Variants in PTPRN2 observed in about 807,000 individuals in gnomAD.
PTPRN2 encodes receptor-type tyrosine-protein phosphatase N2.
PTPRN2 carries 74 observed loss-of-function variants against 118.8 expected under a neutral mutation model. The ratio of observed to expected loss-of-function variants is 0.62; its 90% CI spans 0.52 to 0.76. The LOEUF is 0.76. PTPRN2 is among the 30% of genes least tolerant of loss of function. PTPRN2 has a pLI of 0.00. For synonymous variants in PTPRN2, 641 were observed against 608.0 expected (o/e 1.05, Z -0.80); for missense variants, 1,481 against 1,394.4 (o/e 1.06, Z -0.99).
At chr7:157,704,306 C>T (rs1798220430) in intron 12 of PTPRN2, among the ~76,000 whole-genome samples, 1 of 152,188 alleles carries the variant, frequency 6.6e-6, no homozygotes, top group African/African-American at 2.4e-5. Flanking sequence ...GGCATCCACA[C>T]CCTCAGGGGC....
At chr7:158,548,576 G>GA (rs1826442810) in intron 1 of PTPRN2, among the ~76,000 whole-genome samples, 1 of 152,204 alleles carries the variant, frequency 6.6e-6, no homozygotes, top group South Asian at 2.1e-4. Context: ...ATTTCTTCAT[G>GA]ACTTTCTCTT....
rs1208484109 is a variant in PTPRN2, at chr7:158,525,774, G to A, written c.113-35989C>T. 1.3e-5 allele frequency among the ~76,000 whole-genome samples: 2 copies of A among 152,068 alleles called. No individual in the cohort carries two copies. Among genetic ancestry groups the A allele is most frequent in the Non-Finnish European group, 2.9e-5 (2 of 68,014 alleles). The stretch of plus-strand genomic sequence containing the variant: ...GACATCTCTGCTGGTCTCTCTCCAC[G>A]GCACCTGCTCCACAGCCACCTCTCT... On this transcript the variant is annotated intron_variant, in intron 1 of 22. Transcript: ENST00000389418. The surrounding 1 kb of genome is among the most constrained non-coding windows in gnomAD (Gnocchi z 4.1).
Position 158,565,588 on chromosome 7 carries a change from C to T in PTPRN2, c.112+21970G>A, listed in dbSNP as rs1230296626. ...CCCGTCTGGGATCTGCAGGCTTCAACAACTGTCAAAGCACGGGAAAATCCC... is the reference window on the plus strand; with the variant it reads ...CCCGTCTGGGATCTGCAGGCTTCAATAACTGTCAAAGCACGGGAAAATCCC... On this transcript the variant is annotated intron_variant, in intron 1 of 22. Coordinates refer to ENST00000389418, the MANE Select transcript of PTPRN2 (RefSeq NM_002847.5). This position sits in a 1 kb window ranked among gnomAD's most constrained non-coding sequence, Gnocchi z 4.6. Among the ~76,000 whole-genome samples the T allele has an allele frequency of 6.6e-6, 1 of 152,216 alleles. No homozygotes were observed. The highest frequency in any genetic ancestry group is 1.9e-4 in the East Asian group (1 of 5,202).
chr7:158,076,214 CTT>C (rs755959616), intron 11 of PTPRN2, among the ~76,000 whole-genome samples: 9 of 152,244 alleles, frequency 5.9e-5, no homozygotes, highest in Non-Finnish European at 1.0e-4. Context: ...AGGAGTTCCT[CTT>C]GTCTTGCTCC....
intron 1 of PTPRN2, among the ~76,000 whole-genome samples, chr7:158,527,612 C>T (rs374605945): frequency 6.6e-6 from 1 of 152,226 alleles, no homozygotes; most frequent in East Asian, 1.9e-4. Flanking sequence ...TCCTTCCTAA[C>T]ACCTGGCGGC....
chr7:157,561,977 G>T (rs1280882369), intron 21 of PTPRN2, among the ~76,000 whole-genome samples: 1 of 152,224 alleles, frequency 6.6e-6, no homozygotes, highest in Non-Finnish European at 1.5e-5. Context: ...CCTGGCATCT[G>T]CCAGAGAAGG....
chr7:158,234,584 A>G (rs1829407365), intron 3 of PTPRN2, among the ~76,000 whole-genome samples: 1 of 134,220 alleles, frequency 7.5e-6, no homozygotes, highest in Admixed American at 7.5e-5. Context: ...AATGGCCAAC[A>G]GGTATAGTCA....
chr7:158,384,769 C>CATGCA (rs1286522428), intron 2 of PTPRN2, among the ~76,000 whole-genome samples: 2 of 152,198 alleles, frequency 1.3e-5, no homozygotes, highest in Non-Finnish European at 2.9e-5. Flanking sequence ...GACCCTTAAA[C>CATGCA]ATGCACTCTT....
At chr7:158,336,602 C>A (rs1563165081) in intron 2 of PTPRN2, among the ~76,000 whole-genome samples, 1 of 147,966 alleles carries the variant, frequency 6.8e-6, no homozygotes, top group African/African-American at 2.5e-5. Flanking sequence ...TTCACACCCA[C>A]ACTCTCACCA....
chr7:157,563,724 G>C (rs1347710895), intron 21 of PTPRN2, among the ~76,000 whole-genome samples: 1 of 140,744 alleles, frequency 7.1e-6, no homozygotes, highest in Non-Finnish European at 1.5e-5. Context: ...ACACACCACA[G>C]ATCAGGACCA....
chr7:158,205,117 T>C (rs1003980820), intron 4 of PTPRN2, 54 bp downstream of exon 4: 30 of 1,358,546 alleles, frequency 2.2e-5, no homozygotes, highest in Non-Finnish European at 3.1e-5. Context: ...ATAAGTGTAA[T>C]GGCTATGGAC....
chr7:158,106,971 G>C (rs1046682784), intron 10 of PTPRN2, among the ~76,000 whole-genome samples: 1 of 152,136 alleles, frequency 6.6e-6, no homozygotes. Flanking sequence ...TTCAACCTCT[G>C]TGAAATCTGT....
intron 12 of PTPRN2, among the ~76,000 whole-genome samples, chr7:157,814,538 G>GA (rs1023690103): frequency 7.3e-6 from 1 of 137,058 alleles, no homozygotes; most frequent in African/African-American, 2.7e-5. Flanking sequence ...GCGGGGGCAG[G>GA]ACAGAGGGAG....
At chr7:157,586,837 T>G (rs921828334) in intron 17 of PTPRN2, among the ~76,000 whole-genome samples, 1 of 152,218 alleles carries the variant, frequency 6.6e-6, no homozygotes, top group Non-Finnish European at 1.5e-5. Context: ...CAGTTGTGAG[T>G]AGCTGGGGGC....
intron 2 of PTPRN2, among the ~76,000 whole-genome samples, chr7:158,327,238 CACAT>C (rs1345378007): frequency 6.6e-6 from 1 of 151,380 alleles, no homozygotes; most frequent in African/African-American, 2.5e-5. Context: ...TTCTCATATC[CACAT>C]ACATGCACAC....
In PTPRN2 at chr7:157,590,198, T is replaced by C. The variant is rs2150553667; in HGVS notation, c.2496+5040A>G. Among the ~76,000 whole-genome samples, 1 of 152,258 alleles carries C rather than the reference T, an allele frequency of 6.6e-6. No homozygotes were observed. Among genetic ancestry groups the C allele is most frequent in the South Asian group, 2.1e-4 (1 of 4,818 alleles). On this transcript the variant is annotated intron_variant, in intron 17 of 22. Coordinates refer to ENST00000389418, the MANE Select transcript of PTPRN2 (RefSeq NM_002847.5). This position sits in a 1 kb window ranked among gnomAD's most constrained non-coding sequence, Gnocchi z 4.0. ...TTTTCTTTCCATTCTTCCTTTAAAA[T>C]TGTTCCACACTTTAAAAAAAAAGTT...
chr7:157,718,143 G>T (rs1203767753), intron 12 of PTPRN2, among the ~76,000 whole-genome samples: 1 of 152,176 alleles, frequency 6.6e-6, no homozygotes, highest in East Asian at 1.9e-4. Flanking sequence ...GGGAGACAAA[G>T]AATAAATACA....
rs576490941 is a variant in PTPRN2, at chr7:157,743,387, A to G, written c.1789-60450T>C. 2.6e-5 allele frequency among the ~76,000 whole-genome samples: 4 copies of G among 152,244 alleles called. No homozygotes were observed. In the East Asian group the frequency reaches 7.7e-4, roughly 29 times the overall value. On this transcript the variant is annotated intron_variant, in intron 12 of 22. Transcript: ENST00000389418. ...CTGCTCACGGTGGGACCAGCCTGCA[A>G]TCGGTGCGGCGGGCTATGCTTAGGG... is the stretch of plus-strand genomic sequence containing the variant.
At chr7:158,219,625 T>C (rs553887093) in intron 3 of PTPRN2, among the ~76,000 whole-genome samples, 27 of 151,962 alleles carry the variant, frequency 1.8e-4, no homozygotes, top group African/African-American at 6.0e-4. Flanking sequence ...AAGTTCATTT[T>C]TTGAAATAAT....
Sources: gnomAD v4.1 joint callset for allele counts (sites outside exome capture counted in the v4.1 genomes callset) on GRCh38, gnomAD v4.1.1 for gene constraint, Gnocchi (gnomAD v3.1) non-coding constraint, MANE v1.5 for transcripts, NCBI Gene and HGNC (gene_info 2026-07-23, HGNC 2026-07-21) for gene names.